The following UIMC1 variants were observed in gnomAD, a reference collection of about 807,000 sequenced individuals.
UIMC1 encodes BRCA1-A complex subunit RAP80.
Under a neutral mutation model 84.9 loss-of-function variants are expected in UIMC1, and 42 were observed. The observed-to-expected ratio is 0.49, with a 90% CI of 0.39 to 0.64. The LOEUF (loss-of-function observed/expected upper bound fraction) is 0.64, where lower values mean the gene tolerates loss of function less well. Ranked by LOEUF, UIMC1 falls within the 30% of genes least tolerant of loss-of-function variation. The pLI, the probability that UIMC1 is intolerant of heterozygous loss-of-function variation, is 0.00. For missense variants in UIMC1, 825 were observed against 847.6 expected (o/e 0.97, Z 0.33); for synonymous variants, 281 against 293.0 (o/e 0.96, Z 0.42).
intron 9 of UIMC1, among the ~76,000 whole-genome samples, chr5:176,949,780 C>T (rs1765607512): frequency 6.6e-6 from 1 of 152,170 alleles, no homozygotes; most frequent in Non-Finnish European, 1.5e-5. Flanking sequence ...AAATCCCAGG[C>T]CGGGCACAGT....
At chr5:176,922,698 CG>C (rs1274822956) in intron 10 of UIMC1, among the ~76,000 whole-genome samples, 1 of 152,070 alleles carries the variant, frequency 6.6e-6, no homozygotes, top group Non-Finnish European at 1.5e-5. Flanking sequence ...ATTCTGATGA[CG>C]TTTTTAGAGT....
At chr5:176,975,167 T>A (rs1393715915) in intron 3 of UIMC1, among the ~76,000 whole-genome samples, 7 of 152,064 alleles carry the variant, frequency 4.6e-5, no homozygotes, top group African/African-American at 1.4e-4. Context: ...TTTAAAAAAA[T>A]TTTTTTAAAG....
chr5:176,948,235 G>A (rs910592331), intron 9 of UIMC1, among the ~76,000 whole-genome samples: 1 of 152,188 alleles, frequency 6.6e-6, no homozygotes, highest in Non-Finnish European at 1.5e-5. Flanking sequence ...GTTGACTATT[G>A]TCAGAAATCA....
chr5:176,988,022 G>T (rs1294518125), intron 1 of UIMC1, among the ~76,000 whole-genome samples: 1 of 148,796 alleles, frequency 6.7e-6, no homozygotes, highest in Non-Finnish European at 1.5e-5. Flanking sequence ...TAGTTGGGAG[G>T]CTCAAGTGGG....
At chr5:176,911,278 C>T (rs1172388051) in intron 11 of UIMC1, 33 bp downstream of exon 11, 6 of 1,562,084 alleles carry the variant, frequency 3.8e-6, no homozygotes, top group Non-Finnish European at 5.2e-6. Flanking sequence ...GTATGTTATA[C>T]AAGAGCTCCG....
rs1308564940 is a variant in UIMC1, at chr5:176,951,479, T to G, written c.1438A>C (p.Lys480Gln). 1 of 1,537,242 alleles carries G rather than the reference T, an allele frequency of 6.5e-7. No individual in the cohort carries two copies. Among genetic ancestry groups the G allele is most frequent in the African/African-American group, 1.4e-5 (1 of 71,214 alleles). ...ATATAGAGGAAAATATTCACCTCCTTATCTGCCATTATTATTCTGACTCCA... is the reference window on the plus strand; with the variant it reads ...ATATAGAGGAAAATATTCACCTCCTGATCTGCCATTATTATTCTGACTCCA... ...LDGVRIIMAD[K>Q]EVGNKEDAEK... The change falls in exon 9 of 15, where the codon AAG (lysine) becomes CAG (glutamine). Residue 480 changes from lysine to glutamine, a missense_variant. Lys to Gln is a moderately conservative substitution (Grantham distance 53, BLOSUM62 1). Coordinates refer to ENST00000511320, the MANE Select transcript of UIMC1 (RefSeq NM_001199298.2).
chr5:176,977,606 A>G (rs987680082), intron 2 of UIMC1, among the ~76,000 whole-genome samples: 1 of 151,334 alleles, frequency 6.6e-6, no homozygotes, highest in Non-Finnish European at 1.5e-5. Context: ...AAGAAAAGAA[A>G]AAAAAAAACA....
intron 1 of UIMC1, among the ~76,000 whole-genome samples, chr5:176,989,204 A>C (rs1772458483): frequency 6.6e-6 from 1 of 152,188 alleles, no homozygotes; most frequent in Non-Finnish European, 1.5e-5. Flanking sequence ...TAAAAAAAAC[A>C]CTTAAAGGAT....
At chr5:176,967,315 C>A (rs1768454736) in intron 6 of UIMC1, among the ~76,000 whole-genome samples, 1 of 150,898 alleles carries the variant, frequency 6.6e-6, no homozygotes. Flanking sequence ...TGAAGAAATT[C>A]TTTATATACT....
chr5:176,910,479 G>C (rs1298175966), intron 11 of UIMC1, among the ~76,000 whole-genome samples: 1 of 152,186 alleles, frequency 6.6e-6, no homozygotes, highest in Non-Finnish European at 1.5e-5. Context: ...ACCATAGTTA[G>C]ACTAGTTCCT....
rs62398667 is a variant in UIMC1 at position 176,951,247 on chromosome 5, T to C, written c.1443+227A>G. ...TAAGCCTCTGTTTCCCCATCTCTAATAGAAATAATAATGCATACAAAAGTA... is the reference window on the plus strand; with the variant it reads ...TAAGCCTCTGTTTCCCCATCTCTAACAGAAATAATAATGCATACAAAAGTA... On this transcript the variant is annotated intron_variant, in intron 9 of 14. Transcript: ENST00000511320. Among the ~76,000 whole-genome samples, 701 of 152,254 alleles carry C rather than the reference T, an allele frequency of 4.6e-3. 5 individuals carry two copies. The highest frequency in any genetic ancestry group is 0.027 in the Middle Eastern group (8 of 294).
chr5:176,954,774 A>T (rs1377801871), intron 8 of UIMC1, among the ~76,000 whole-genome samples: 1 of 151,478 alleles, frequency 6.6e-6, no homozygotes, highest in African/African-American at 2.4e-5. Flanking sequence ...GAAAAAAGCC[A>T]ACATAGTCCG....
intron 6 of UIMC1, 134 bp from the exon 7 acceptor site, chr5:176,958,288 CAGTA>C (rs1766869837): frequency 2.8e-5 from 18 of 638,994 alleles, no homozygotes; most frequent in Non-Finnish European, 4.3e-5. Flanking sequence ...TTCCATAAGC[CAGTA>C]AGTGTCAATA....
At chr5:177,004,396 T>C (rs1357628901) in intron 1 of UIMC1, among the ~76,000 whole-genome samples, 3 of 152,194 alleles carry the variant, frequency 2.0e-5, no homozygotes, top group African/African-American at 7.2e-5. Context: ...GAAAGGTCCC[T>C]GATCAGTTCA....
upstream of UIMC1, among the ~76,000 whole-genome samples, chr5:177,008,565 G>T (rs1171902510): frequency 1.3e-5 from 2 of 152,188 alleles, no homozygotes; most frequent in East Asian, 3.9e-4. Context: ...GGGCCAAAAA[G>T]ATCCTTTTAG....
intron 6 of UIMC1, among the ~76,000 whole-genome samples, chr5:176,963,599 T>C (rs1380303832): frequency 2.0e-5 from 3 of 151,880 alleles, no homozygotes; most frequent in Non-Finnish European, 4.4e-5. Context: ...TGTGTGACAC[T>C]GGTAGTTTAT....
chr5:176,923,835 G>A (rs1581393215), intron 10 of UIMC1, among the ~76,000 whole-genome samples: 1 of 148,458 alleles, frequency 6.7e-6, no homozygotes, highest in East Asian at 2.0e-4. Flanking sequence ...CTGCACTCCA[G>A]CCTGGGCAAC....
rs150481073 is a variant in UIMC1, at chr5:176,913,825, A to G, written c.1598-2436T>C. Among the ~76,000 whole-genome samples the G allele has an allele frequency of 5.2e-3, 785 of 152,280 alleles. 8 individuals carry two copies. Among genetic ancestry groups the G allele is most frequent in the African/African-American group, 0.015 (642 of 41,552 alleles). ...AACCCCCGTCTCTACAAAAAATATA[A>G]AAGTTAGCCAGCATGGTGGTGCTTG... On this transcript the variant is annotated intron_variant, in intron 10 of 14. Coordinates refer to ENST00000511320, the MANE Select transcript of UIMC1 (RefSeq NM_001199298.2).
chr5:176,978,054 T>C (rs1032863420), intron 2 of UIMC1, among the ~76,000 whole-genome samples: 2 of 151,924 alleles, frequency 1.3e-5, no homozygotes, highest in African/African-American at 4.8e-5. Context: ...CAAGACACTA[T>C]AAGAATATGA....
Sources: allele counts gnomAD v4.1 joint callset (sites outside exome capture counted in the v4.1 genomes callset), GRCh38; gene constraint gnomAD v4.1.1; transcripts MANE v1.5; gene names NCBI Gene and HGNC (gene_info 2026-07-23, HGNC 2026-07-21).